Variants in CENPW observed in about 807,000 individuals in gnomAD.
CENPW encodes cancer-up-regulated gene 2 protein.
Under a neutral mutation model 11.1 loss-of-function variants are expected in CENPW, and 3 were observed. The ratio of observed to expected loss-of-function variants is 0.27; its 90% CI spans 0.12 to 0.70. CENPW has a LOEUF of 0.70. CENPW is among the 30% of genes least tolerant of loss of function. The pLI, the probability that CENPW is intolerant of heterozygous loss-of-function variation, is 0.77. For synonymous variants in CENPW, 38 were observed against 42.0 expected, an observed-to-expected ratio of 0.91 and a Z score of 0.37; for missense variants, 100 against 105.6, an observed-to-expected ratio of 0.95 and a Z score of 0.23.
chr6:126,393,341 TCTTG>T, the CENPW span, among the ~76,000 whole-genome samples: 1 of 151,922 alleles, frequency 6.6e-6, no homozygotes, highest in African/African-American at 2.4e-5. Context: ...TTTGGTTTTC[TCTTG>T]CTTTTCTAGT....
the CENPW span, among the ~76,000 whole-genome samples, chr6:126,452,323 G>A: frequency 1.1e-4 from 17 of 151,168 alleles, no homozygotes; most frequent in African/African-American, 1.7e-4. Context: ...TGGAATCATC[G>A]GACAGAAATT....
rs564616124 is a variant in CENPW, at chr6:126,344,329, C to T, written c.127-1876C>T. Among the ~76,000 whole-genome samples, 39 of 152,204 alleles carry T rather than the reference C, an allele frequency of 2.6e-4. 1 individual carries two copies. The East Asian group carries it at 7.1e-3, about 28-fold the overall frequency. On this transcript the variant is annotated intron_variant, in intron 1 of 2. Transcript: ENST00000368328. Reference sequence around the variant, plus strand: ...TATAAACAAGTAGGATGCCTAGAGGCAAGGTTGCATTTGAATTCTCAGAGA... The same window carrying T: ...TATAAACAAGTAGGATGCCTAGAGGTAAGGTTGCATTTGAATTCTCAGAGA...
At chr6:126,445,416 T>C in the CENPW span, among the ~76,000 whole-genome samples, 1 of 151,248 alleles carries the variant, frequency 6.6e-6, no homozygotes, top group Non-Finnish European at 1.5e-5. Context: ...TATACTATCC[T>C]GCTAGAAACC....
chr6:126,382,116 G>A, the CENPW span, among the ~76,000 whole-genome samples: 3 of 152,026 alleles, frequency 2.0e-5, no homozygotes, highest in Admixed American at 6.6e-5. Context: ...CCCAGGTGTG[G>A]TGGCACATGC....
chr6:126,366,739 T>C, the CENPW span, among the ~76,000 whole-genome samples: 7 of 152,202 alleles, frequency 4.6e-5, no homozygotes, highest in South Asian at 6.2e-4. Context: ...CTTAGTCTCT[T>C]TTGTGTGGCT....
At chr6:126,378,306 A>C in the CENPW span, among the ~76,000 whole-genome samples, 15 of 152,170 alleles carry the variant, frequency 9.9e-5, no homozygotes, top group African/African-American at 3.6e-4. Context: ...GCTGAAGAGC[A>C]CAAGATAATC....
At chr6:126,357,954 G>C in the CENPW span, among the ~76,000 whole-genome samples, 2 of 152,008 alleles carry the variant, frequency 1.3e-5, no homozygotes, top group Admixed American at 6.6e-5. Flanking sequence ...TGTATTCCTA[G>C]GTATTACCAT....
the CENPW span, among the ~76,000 whole-genome samples, chr6:126,462,502 C>T: frequency 1.4e-5 from 2 of 142,684 alleles, no homozygotes; most frequent in African/African-American, 2.5e-5. Context: ...CTCTTCTCTT[C>T]TTTTCTTTCT....
the CENPW span, among the ~76,000 whole-genome samples, chr6:126,412,847 C>T: frequency 2.0e-5 from 3 of 151,980 alleles, no homozygotes; most frequent in Admixed American, 1.3e-4. Context: ...CTGTTGAGCC[C>T]CTCTAGTCAG....
chr6:126,452,426 A>T, the CENPW span, among the ~76,000 whole-genome samples: 9 of 151,090 alleles, frequency 6.0e-5, no homozygotes, highest in Non-Finnish European at 1.0e-4. Flanking sequence ...GAAATAGAAG[A>T]TATACAGGAG....
the CENPW span, among the ~76,000 whole-genome samples, chr6:126,408,535 T>G: frequency 1.3e-5 from 2 of 152,126 alleles, no homozygotes; most frequent in South Asian, 4.2e-4. Context: ...CTATTCAAGA[T>G]GAGATTTGGG....
At chr6:126,447,611 T>A in the CENPW span, among the ~76,000 whole-genome samples, 1 of 151,160 alleles carries the variant, frequency 6.6e-6, no homozygotes, top group South Asian at 2.1e-4. Context: ...AGGTATGATG[T>A]CAGACCAGCC....
At position 126,346,297 on chromosome 6, in the gene CENPW, G is replaced by A. The variant is rs1160213836; in HGVS notation, c.219G>A (p.Glu73=). 2 of 1,600,118 alleles carry A rather than the reference G, an allele frequency of 1.2e-6. No homozygotes were observed. The highest frequency in any genetic ancestry group is 1.7e-6 in the Non-Finnish European group (2 of 1,169,958). Residue 73 remains glutamate, a synonymous_variant, in exon 2 of 3, where the codon GAG becomes GAA. Coordinates refer to ENST00000368328, the MANE Select transcript of CENPW (RefSeq NM_001012507.4). ...CASKCRVINK[E]HVLAAAKVIL... ...GTAAATGTAGAGTCATTAACAAGGA[G>A]CATGTACTGGCCGCAGCAAAGGTAA... is the stretch of plus-strand genomic sequence containing the variant.
chr6:126,423,539 C>G, the CENPW span, among the ~76,000 whole-genome samples: 2 of 151,998 alleles, frequency 1.3e-5, no homozygotes, highest in Non-Finnish European at 2.9e-5. Context: ...GTCAAAGTTA[C>G]CTTTTGTGTC....
the CENPW span, among the ~76,000 whole-genome samples, chr6:126,411,634 C>T: frequency 2.6e-5 from 4 of 152,168 alleles, no homozygotes; most frequent in South Asian, 8.3e-4. Flanking sequence ...GCCCGTTGAC[C>T]AGGTTGTAGC....
At chr6:126,393,539 G>A in the CENPW span, among the ~76,000 whole-genome samples, 1 of 151,158 alleles carries the variant, frequency 6.6e-6, no homozygotes, top group African/African-American at 2.4e-5. Context: ...TTCATTGACT[G>A]ACTCGTTTTC....
chr6:126,371,167 A>C, the CENPW span, among the ~76,000 whole-genome samples: 1 of 152,066 alleles, frequency 6.6e-6, no homozygotes, highest in Admixed American at 6.6e-5. Flanking sequence ...GTCTTGTTCC[A>C]CTTCTCAGGG....
the CENPW span, among the ~76,000 whole-genome samples, chr6:126,436,557 A>G: frequency 2.1e-4 from 32 of 151,862 alleles, no homozygotes; most frequent in East Asian, 1.9e-4. Flanking sequence ...AAATACTTCC[A>G]TGATGTTAAG....
chr6:126,382,733 GA>G, the CENPW span, among the ~76,000 whole-genome samples: 1 of 151,866 alleles, frequency 6.6e-6, no homozygotes, highest in Non-Finnish European at 1.5e-5. Context: ...TAGTTAACAA[GA>G]ATAAAAAAAA....
Sources: gnomAD v4.1 joint callset for allele counts (sites outside exome capture counted in the v4.1 genomes callset) on GRCh38, gnomAD v4.1.1 for gene constraint, MANE v1.5 for transcripts, NCBI Gene and HGNC (gene_info 2026-07-23, HGNC 2026-07-21) for gene names.